LINGO2: variants seen among roughly 807,000 people sequenced by gnomAD.
LINGO2 encodes leucine rich repeat and Ig domain containing 2.
LINGO2 carries 14 observed loss-of-function variants against 30.6 expected under a neutral mutation model. That is an observed-to-expected ratio of 0.46 (90% CI 0.30 to 0.72). The LOEUF (loss-of-function observed/expected upper bound fraction) is 0.72, where lower values mean the gene tolerates loss of function less well. LINGO2 is among the 30% of genes least tolerant of loss of function. The probability of loss-of-function intolerance (pLI) is 0.07; values close to 1 mark genes in which losing one functional copy is unlikely to be tolerated. For missense variants in LINGO2, 729 were observed against 751.7 expected (o/e 0.97, Z 0.35); for synonymous variants, 317 against 288.5 (o/e 1.10, Z -1.00).
At position 28,430,790 on chromosome 9, in the gene LINGO2, G is replaced by C. The variant is rs79738879; in HGVS notation, c.-279+45150C>G. Among the ~76,000 whole-genome samples the C allele has an allele frequency of 9.4e-3, 1,438 of 152,176 alleles. 22 individuals are homozygous for C. Among genetic ancestry groups the C allele is most frequent in the African/African-American group, 0.033 (1,356 of 41,510 alleles). Reference sequence around the variant, plus strand: ...ATGCCAGGAGCTCAGGGCTGGCTCAGCTGATGGTTCTGGCTCAAGGTCTCT... The same window carrying C: ...ATGCCAGGAGCTCAGGGCTGGCTCACCTGATGGTTCTGGCTCAAGGTCTCT... On this transcript the variant is annotated intron_variant, in intron 2 of 5. Coordinates refer to ENST00000379992, the Ensembl canonical transcript of LINGO2.
chr9:29,132,538 C>G, the LINGO2 span, among the ~76,000 whole-genome samples: 1 of 152,134 alleles, frequency 6.6e-6, no homozygotes, highest in Non-Finnish European at 1.5e-5. Flanking sequence ...CAATGGGAAA[C>G]CTCTAGAGAG....
At position 28,670,186 on chromosome 9, in the gene LINGO2, A is replaced by C. The variant is rs1233825236; in HGVS notation, c.-365+14T>G. 3 of 152,136 alleles carry C rather than the reference A, an allele frequency of 2.0e-5. No homozygotes were observed. The highest frequency in any genetic ancestry group is 3.8e-4 in the East Asian group (2 of 5,200). 9.4% of individuals were successfully genotyped at this position (152,136 alleles called of 1,614,324 possible). Reference sequence around the variant, plus strand: ...TCATCCTGAAAATACAATTGAAATAAATTTGGCATTTACCTCATGTGATTA... The same window carrying C: ...TCATCCTGAAAATACAATTGAAATACATTTGGCATTTACCTCATGTGATTA... On this transcript the variant is annotated intron_variant, in intron 1 of 5. Transcript: ENST00000379992.
In LINGO2 at chr9:28,443,515, C is replaced by G. The variant is rs145528894; in HGVS notation, c.-279+32425G>C. The stretch of plus-strand genomic sequence containing the variant: ...TGGGGCCCTGGTAAGCACCCTACCC[C>G]CTCAGGCTTGATGTGCCTGCTCCTG... On this transcript the variant is annotated intron_variant, in intron 2 of 5. Transcript: ENST00000379992. Among the ~76,000 whole-genome samples, 240 of 152,356 alleles carry G rather than the reference C, an allele frequency of 1.6e-3. 1 individual carries two copies. The highest frequency in any genetic ancestry group is 0.01 in the Middle Eastern group (3 of 294).
chr9:28,667,713 C>T (rs1209968683), intron 1 of LINGO2, among the ~76,000 whole-genome samples: 3 of 152,144 alleles, frequency 2.0e-5, no homozygotes, highest in African/African-American at 7.2e-5. Flanking sequence ...CACTGCACTC[C>T]AGCCTGGGAA....
At chr9:28,827,459 C>T in the LINGO2 span, among the ~76,000 whole-genome samples, 3 of 152,216 alleles carry the variant, frequency 2.0e-5, no homozygotes, top group African/African-American at 4.8e-5. Context: ...CGCTCTATGC[C>T]TCAGTTTCCA....
At chr9:28,630,605 C>A (rs931156227) in intron 1 of LINGO2, among the ~76,000 whole-genome samples, 7 of 152,060 alleles carry the variant, frequency 4.6e-5, no homozygotes, top group African/African-American at 1.7e-4. Flanking sequence ...TTTGTCTGGT[C>A]TACTTTCATA....
intron 2 of LINGO2, among the ~76,000 whole-genome samples, chr9:28,474,012 C>T (rs951267674): frequency 1.3e-5 from 2 of 152,014 alleles, no homozygotes; most frequent in Admixed American, 6.6e-5. Flanking sequence ...AAGCTATTCC[C>T]GAACATCTGT....
intron 4 of LINGO2, among the ~76,000 whole-genome samples, chr9:28,179,464 T>C (rs1828844902): frequency 7.2e-6 from 1 of 138,052 alleles, no homozygotes; most frequent in African/African-American, 2.6e-5. Context: ...CTATAGTGTA[T>C]ATATACTATA....
chr9:28,030,026 T>C (rs1458839800), intron 4 of LINGO2, among the ~76,000 whole-genome samples: 1 of 152,174 alleles, frequency 6.6e-6, no homozygotes, highest in Non-Finnish European at 1.5e-5. Flanking sequence ...GGCCACCAGA[T>C]ATCAGAATAC....
the LINGO2 span, among the ~76,000 whole-genome samples, chr9:28,688,577 G>C: frequency 6.6e-6 from 1 of 152,102 alleles, no homozygotes; most frequent in African/African-American, 2.4e-5. Context: ...GAAGAATGCA[G>C]GTGTATCTGC....
In LINGO2 at chr9:28,260,015, A is replaced by C. The variant is rs1822510647; in HGVS notation, c.-87+35193T>G. Among the ~76,000 whole-genome samples, 4 of 151,748 alleles carry C rather than the reference A, an allele frequency of 2.6e-5. No individual in the cohort carries two copies. The South Asian group carries it at 8.3e-4, about 31-fold the overall frequency. ...TCAGCAATATTGTGCCCCATGGACA[A>C]CCCATTTTTAAGATACCCTGTTTGC... On this transcript the variant is annotated intron_variant, in intron 4 of 5. Coordinates refer to ENST00000379992, the Ensembl canonical transcript of LINGO2.
At chr9:29,036,002 A>AGACTTC in the LINGO2 span, among the ~76,000 whole-genome samples, 1 of 152,116 alleles carries the variant, frequency 6.6e-6, no homozygotes, top group South Asian at 2.1e-4. Flanking sequence ...AAGATTAGAA[A>AGACTTC]GACATGGGAA....
chr9:29,123,852 T>C, the LINGO2 span, among the ~76,000 whole-genome samples: 1 of 152,050 alleles, frequency 6.6e-6, no homozygotes, highest in Non-Finnish European at 1.5e-5. Context: ...CTGTGTCAAG[T>C]AGGAACATAA....
the LINGO2 span, among the ~76,000 whole-genome samples, chr9:28,735,791 A>G: frequency 6.6e-6 from 1 of 152,180 alleles, no homozygotes; most frequent in African/African-American, 2.4e-5. Context: ...AATACTTGTC[A>G]GAGAGCTTCT....
chr9:28,517,241 C>T (rs1011012396), intron 1 of LINGO2, among the ~76,000 whole-genome samples: 12 of 152,146 alleles, frequency 7.9e-5, no homozygotes, highest in African/African-American at 2.9e-4. Context: ...TCCACCCCCA[C>T]CACAGCTGCC....
intron 2 of LINGO2, among the ~76,000 whole-genome samples, chr9:28,455,016 T>C (rs553730200): frequency 8.5e-5 from 13 of 152,180 alleles, no homozygotes; most frequent in Non-Finnish European, 1.3e-4. Context: ...TTCCAAATCA[T>C]TTTGTTATTC....
chr9:28,109,049 G>T (rs1367337954), intron 4 of LINGO2, among the ~76,000 whole-genome samples: 1 of 152,128 alleles, frequency 6.6e-6, no homozygotes, highest in Non-Finnish European at 1.5e-5. Context: ...TATCCACCAC[G>T]ATCAAGTCAG....
chr9:28,502,273 T>A (rs562962703), intron 1 of LINGO2, among the ~76,000 whole-genome samples: 1 of 152,202 alleles, frequency 6.6e-6, no homozygotes, highest in African/African-American at 2.4e-5. Flanking sequence ...TTTCTGCATA[T>A]GTGGTCTCAT....
intron 4 of LINGO2, among the ~76,000 whole-genome samples, chr9:28,087,181 C>A (rs948762352): frequency 6.6e-6 from 1 of 152,044 alleles, no homozygotes; most frequent in East Asian, 1.9e-4. Context: ...CAGCTGACTA[C>A]AGATGCATAT....
Sources: gnomAD v4.1 joint callset for allele counts (sites outside exome capture counted in the v4.1 genomes callset) on GRCh38, gnomAD v4.1.1 for gene constraint, MANE v1.5 for transcripts, NCBI Gene and HGNC (gene_info 2026-07-23, HGNC 2026-07-21) for gene names.